Variants in NWD1 observed in about 807,000 individuals in gnomAD.
NWD1 encodes the protein NACHT and WD repeat domain containing 1, also known as NACHT domain- and WD repeat-containing protein 1.
In NWD1, 129 loss-of-function variants were observed where a neutral mutation model predicts 135.1. That is an observed-to-expected ratio of 0.96 (90% CI 0.83 to 1.11). The LOEUF (loss-of-function observed/expected upper bound fraction) is 1.11. Among genes scored for constraint, NWD1 ranks in the 50% least tolerant of loss-of-function variants. The pLI is 0.00. For missense variants in NWD1, 1,740 were observed against 1,851.3 expected, an observed-to-expected ratio of 0.94 and a Z score of 1.10; for synonymous variants, 773 against 786.0, an observed-to-expected ratio of 0.98 and a Z score of 0.28.
intron 17 of NWD1, among the ~76,000 whole-genome samples, chr19:16,806,910 G>A (rs1045769952): frequency 6.6e-6 from 1 of 151,900 alleles, no homozygotes; most frequent in African/African-American, 2.4e-5. Context: ...CCAGCTACCC[G>A]GGAGACTGAG....
intron 10 of NWD1, among the ~76,000 whole-genome samples, chr19:16,772,834 G>A (rs1057294582): frequency 6.6e-5 from 10 of 151,786 alleles, no homozygotes; most frequent in South Asian, 2.1e-4. Context: ...GATAAAAGAG[G>A]AAGGAAGAAA....
intron 7 of NWD1, among the ~76,000 whole-genome samples, chr19:16,760,926 A>G (rs540316438): frequency 8.5e-5 from 13 of 152,234 alleles, no homozygotes; most frequent in Admixed American, 5.9e-4. Flanking sequence ...GTATTTTAGT[A>G]CACTCATAAT....
intron 5 of NWD1, among the ~76,000 whole-genome samples, chr19:16,745,702 T>C (rs919731898): frequency 1.3e-5 from 2 of 151,978 alleles, no homozygotes; most frequent in Non-Finnish European, 2.9e-5. Flanking sequence ...ATCATGCCAC[T>C]GCACTCCAGC....
chr19:16,751,484 G>T (rs1174451259), intron 6 of NWD1, among the ~76,000 whole-genome samples: 1 of 144,792 alleles, frequency 6.9e-6, no homozygotes, highest in Non-Finnish European at 1.5e-5. Flanking sequence ...GAAAGAGAAA[G>T]GAAGGAAGGA....
At position 16,779,341 on chromosome 19, in the gene NWD1, A is replaced by G. The variant is rs1362419907; in HGVS notation, c.2609-2A>G. On this transcript the variant is annotated splice_acceptor_variant, in intron 11 of 18. Transcript: ENST00000524140. LOFTEE classifies it high-confidence loss of function. ...ATTGCTGTTGCCTCTGTGTGGCTGC[A>G]GGCATCACCGCCATGGCATGGGGTG... 2 of 1,613,730 alleles carry G rather than the reference A, an allele frequency of 1.2e-6. No individual in the cohort carries two copies. Among genetic ancestry groups the G allele is most frequent in the Non-Finnish European group, 1.7e-6 (2 of 1,179,986 alleles).
intron 2 of NWD1, among the ~76,000 whole-genome samples, chr19:16,730,412 A>G (rs1967511109): frequency 6.6e-6 from 1 of 152,078 alleles, no homozygotes; most frequent in African/African-American, 2.4e-5. Flanking sequence ...AAGGGGTACA[A>G]TGGCAAACAA....
chr19:16,762,775 C>T (rs1376942037), intron 8 of NWD1, among the ~76,000 whole-genome samples: 2 of 151,512 alleles, frequency 1.3e-5, no homozygotes, highest in African/African-American at 2.4e-5. Context: ...TTCTTTTTCC[C>T]TCCCTCGCTT....
intron 6 of NWD1, among the ~76,000 whole-genome samples, chr19:16,754,888 A>T (rs947885319): frequency 6.6e-6 from 1 of 152,138 alleles, no homozygotes; most frequent in Admixed American, 6.6e-5. Context: ...TCATCCACCC[A>T]TCCGTCATAT....
At chr19:16,784,689 G>A (rs1287808115) in intron 12 of NWD1, among the ~76,000 whole-genome samples, 1 of 152,006 alleles carries the variant, frequency 6.6e-6, no homozygotes, top group Non-Finnish European at 1.5e-5. Flanking sequence ...CCAGCACTTT[G>A]GGAGGCCAAG....
At chr19:16,776,359 G>A (rs1599508838) in intron 11 of NWD1, among the ~76,000 whole-genome samples, 1 of 152,102 alleles carries the variant, frequency 6.6e-6, no homozygotes, top group Admixed American at 6.6e-5. Context: ...CATGAGATCA[G>A]GAGTTCAAGA....
At chr19:16,800,267 C>A in intron 17 of NWD1, 105 bp downstream of exon 17, 1 of 1,172,012 alleles carries the variant, frequency 8.5e-7, no homozygotes, top group Non-Finnish European at 1.2e-6. Flanking sequence ...GGCCCCATGG[C>A]TCACGCCTGT....
At chr19:16,731,833 T>A (rs1040938135) in intron 3 of NWD1, among the ~76,000 whole-genome samples, 18 of 151,998 alleles carry the variant, frequency 1.2e-4, no homozygotes, top group Non-Finnish European at 2.6e-4. Flanking sequence ...TAAACAAAGG[T>A]CCCACATGTT....
intron 17 of NWD1, among the ~76,000 whole-genome samples, chr19:16,806,021 T>A (rs1322708295): frequency 2.0e-5 from 3 of 152,040 alleles, no homozygotes; most frequent in Non-Finnish European, 4.4e-5. Context: ...TACAGGTGCC[T>A]GCCACCACGC....
In NWD1 at chr19:16,791,389, C is replaced by T. The variant is rs1385545037; in HGVS notation, c.2980C>T (p.His994Tyr). 1.9e-6 allele frequency: 3 copies of T among 1,614,068 alleles called. No homozygotes were observed. Among genetic ancestry groups the T allele is most frequent in the Non-Finnish European group, 1.7e-6 (2 of 1,179,972 alleles). ...TCTGGAAACTGCAGAGCCGGTATTC[C>T]ATATCCTGGGAGATGCCTCTGATCC... ...WNLETAEPVF[H>Y]ILGDASDPWM... Residue 994 changes from histidine to tyrosine, a missense_variant, in exon 14 of 19, where the codon CAT (histidine) becomes TAT (tyrosine). Coordinates refer to ENST00000524140, the MANE Select transcript of NWD1 (RefSeq NM_001007525.5).
intron 8 of NWD1, among the ~76,000 whole-genome samples, chr19:16,762,446 G>A (rs1157527546): frequency 1.3e-5 from 2 of 151,652 alleles, no homozygotes; most frequent in African/African-American, 2.4e-5. Flanking sequence ...ACAGGCACCC[G>A]CCACCATGCC....
chr19:16,750,509 C>A, intron 6 of NWD1, 98 bp downstream of exon 6: 1 of 960,550 alleles, frequency 1.0e-6, no homozygotes, highest in Non-Finnish European at 1.5e-6. Context: ...GGCTGGAGTG[C>A]AGTGGTGTGA....
At chr19:16,754,073 C>G (rs1321831238) in intron 6 of NWD1, among the ~76,000 whole-genome samples, 1 of 151,422 alleles carries the variant, frequency 6.6e-6, no homozygotes, top group Non-Finnish European at 1.5e-5. Flanking sequence ...TCTCGATCTT[C>G]CTTCCATCCA....
chr19:16,745,159 T>A (rs776323627), intron 5 of NWD1: 12 of 432,804 alleles, frequency 2.8e-5, no homozygotes, highest in South Asian at 2.0e-4. Flanking sequence ...TAAGACAGAG[T>A]GAGAGCCAAG....
intron 10 of NWD1, among the ~76,000 whole-genome samples, chr19:16,765,961 G>A (rs901007089): frequency 1.4e-5 from 2 of 147,816 alleles, no homozygotes; most frequent in Non-Finnish European, 3.0e-5. Context: ...AGGTTACAGT[G>A]AGCCGAGATC....
Sources: gnomAD v4.1 joint callset for allele counts (sites outside exome capture counted in the v4.1 genomes callset) on GRCh38, gnomAD v4.1.1 for gene constraint, MANE v1.5 for transcripts, NCBI Gene and HGNC (gene_info 2026-07-23, HGNC 2026-07-21) for gene names.